The following KCNN2 variants were observed in gnomAD, a reference collection of about 807,000 sequenced individuals.
KCNN2 encodes potassium calcium-activated channel subfamily N member 2, also known as small conductance calcium-activated potassium channel protein 2.
Under a neutral mutation model 55.5 loss-of-function variants are expected in KCNN2, and 24 were observed. The observed-to-expected ratio is 0.43, with a 90% CI of 0.31 to 0.61. The LOEUF (loss-of-function observed/expected upper bound fraction) is 0.61. Ranked by LOEUF, KCNN2 falls within the 20% of genes least tolerant of loss-of-function variation. The pLI is 0.08. For synonymous variants in KCNN2, 431 were observed against 336.1 expected, an observed-to-expected ratio of 1.28 and a Z score of -3.09; for missense variants, 754 against 853.6, an observed-to-expected ratio of 0.88 and a Z score of 1.45.
chr5:114,449,918 T>A (rs879945208), intron 3 of KCNN2, among the ~76,000 whole-genome samples: 1,551 of 133,208 alleles, frequency 0.012, 17 homozygotes, highest in Non-Finnish European at 0.016. Context: ...ACGCGCGCGC[T>A]CGCGTGCGCG....
At chr5:114,180,359 T>C (rs1753215962) in intron 1 of KCNN2, among the ~76,000 whole-genome samples, 1 of 152,160 alleles carries the variant, frequency 6.6e-6, no homozygotes, top group Non-Finnish European at 1.5e-5. Context: ...CAGTTAGCAA[T>C]ACATTTCAGA....
At chr5:114,331,658 A>C (rs1298203370) in intron 2 of KCNN2, among the ~76,000 whole-genome samples, 1 of 152,230 alleles carries the variant, frequency 6.6e-6, no homozygotes. Context: ...TTACATAAAA[A>C]CAGTGATTAA....
intron 1 of KCNN2, among the ~76,000 whole-genome samples, chr5:114,083,224 C>A (rs1049657912): frequency 1.3e-5 from 2 of 151,784 alleles, no homozygotes; most frequent in African/African-American, 4.8e-5. Flanking sequence ...ATTTTGATTT[C>A]ATTACTTTTT....
intron 1 of KCNN2, among the ~76,000 whole-genome samples, chr5:114,075,402 CTAAAAAATT>C (rs1750664973): frequency 1.3e-5 from 2 of 152,122 alleles, no homozygotes; most frequent in African/African-American, 4.8e-5. Context: ...TGATAATTTG[CTAAAAAATT>C]TCCAATTTCT....
chr5:114,166,964 G>A (rs1395685840), intron 1 of KCNN2, among the ~76,000 whole-genome samples: 3 of 152,174 alleles, frequency 2.0e-5, no homozygotes, highest in Middle Eastern at 3.4e-3. Flanking sequence ...ATCAGACAGC[G>A]GATCTGCCAG....
At chr5:114,430,856 G>A (rs1056799814) in intron 3 of KCNN2, among the ~76,000 whole-genome samples, 23 of 152,060 alleles carry the variant, frequency 1.5e-4, no homozygotes. Context: ...ATATGATTAT[G>A]TAATTTTTCT....
intron 2 of KCNN2, among the ~76,000 whole-genome samples, chr5:114,270,143 A>C (rs80294761): frequency 9.2e-5 from 14 of 152,246 alleles, no homozygotes; most frequent in African/African-American, 1.4e-4. Context: ...AAAGAATTTT[A>C]TAGTAATTGT....
chr5:114,355,674 A>G (rs1022473388), intron 2 of KCNN2, among the ~76,000 whole-genome samples: 10 of 151,054 alleles, frequency 6.6e-5, no homozygotes, highest in Admixed American at 6.6e-4. Context: ...CAAGGAACCA[A>G]ACTGGATGCC....
intron 3 of KCNN2, among the ~76,000 whole-genome samples, chr5:114,436,820 G>A (rs1277001342): frequency 6.6e-6 from 1 of 152,178 alleles, no homozygotes; most frequent in Non-Finnish European, 1.5e-5. Flanking sequence ...TGCAGTGATG[G>A]CAGTGCTCTT....
intron 1 of KCNN2, among the ~76,000 whole-genome samples, chr5:114,137,648 T>A (rs1752201056): frequency 6.6e-6 from 1 of 152,156 alleles, no homozygotes; most frequent in Admixed American, 6.6e-5. Flanking sequence ...CTTGGAGAAG[T>A]GCAGCATACT....
intron 2 of KCNN2, among the ~76,000 whole-genome samples, chr5:114,261,371 G>A (rs899287174): frequency 2.0e-5 from 3 of 152,138 alleles, no homozygotes; most frequent in Non-Finnish European, 2.9e-5. Context: ...GAAGACCTCA[G>A]CTTTGCCCTA....
intron 2 of KCNN2, among the ~76,000 whole-genome samples, chr5:114,367,540 G>A (rs73782210): frequency 1.1e-4 from 17 of 152,010 alleles, no homozygotes; most frequent in Non-Finnish European, 2.2e-4. Context: ...ACATAATAGC[G>A]ATTATTTTTG....
At chr5:114,440,213 A>G (rs774768783) in intron 3 of KCNN2, among the ~76,000 whole-genome samples, 1 of 152,176 alleles carries the variant, frequency 6.6e-6, no homozygotes, top group African/African-American at 2.4e-5. Context: ...AACTTGCCAC[A>G]ATGATTGCTG....
At chr5:114,206,789 T>C (rs541555271) in intron 1 of KCNN2, among the ~76,000 whole-genome samples, 1 of 151,526 alleles carries the variant, frequency 6.6e-6, no homozygotes, top group African/African-American at 2.4e-5. Flanking sequence ...AGGGAGTAGA[T>C]TAAAATGGTC....
At chr5:114,085,876 G>A (rs1751005696) in intron 1 of KCNN2, among the ~76,000 whole-genome samples, 1 of 151,956 alleles carries the variant, frequency 6.6e-6, no homozygotes, top group Non-Finnish European at 1.5e-5. Context: ...TTTAAGTTCT[G>A]TTCATTTTGC....
chr5:114,290,829 G>A (rs1258934304), intron 2 of KCNN2, among the ~76,000 whole-genome samples: 1 of 151,972 alleles, frequency 6.6e-6, no homozygotes, highest in African/African-American at 2.4e-5. Flanking sequence ...TCCTCCTTGT[G>A]GTTTCTTTTC....
chr5:114,247,219 A>G (rs1341359512), intron 2 of KCNN2, among the ~76,000 whole-genome samples: 78 of 149,534 alleles, frequency 5.2e-4, no homozygotes, highest in Non-Finnish European at 8.5e-4. Context: ...AAAAAAAAAA[A>G]AAAAGAAAAG....
intron 1 of KCNN2, among the ~76,000 whole-genome samples, chr5:114,133,545 G>T (rs761663646): frequency 6.6e-6 from 1 of 152,126 alleles, no homozygotes; most frequent in African/African-American, 2.4e-5. Context: ...TGAGTGCTGT[G>T]TTGGTCACTT....
intron 2 of KCNN2, among the ~76,000 whole-genome samples, chr5:114,328,842 C>G (rs1315160567): frequency 6.6e-6 from 1 of 152,198 alleles, no homozygotes; most frequent in Non-Finnish European, 1.5e-5. Context: ...CATTGCTCTT[C>G]ACACTGCTGG....
Sources: gnomAD v4.1 joint callset for allele counts (sites outside exome capture counted in the v4.1 genomes callset) on GRCh38, gnomAD v4.1.1 for gene constraint, MANE v1.5 for transcripts, NCBI Gene and HGNC (gene_info 2026-07-23, HGNC 2026-07-21) for gene names.